Variants in TMPRSS5 observed in about 807,000 individuals in gnomAD.
The protein encoded by TMPRSS5 is transmembrane serine protease 5.
In TMPRSS5, 45 loss-of-function variants were observed where a neutral mutation model predicts 59.7. The observed-to-expected ratio is 0.75, with a 90% CI of 0.59 to 0.97. The LOEUF (loss-of-function observed/expected upper bound fraction) is 0.97. Ranked by LOEUF, TMPRSS5 falls within the 50% of genes least tolerant of loss-of-function variation. The pLI, the probability that TMPRSS5 is intolerant of heterozygous loss-of-function variation, is 0.00. For missense variants in TMPRSS5, 585 were observed against 596.7 expected (o/e 0.98, Z 0.20); for synonymous variants, 225 against 232.0 (o/e 0.97, Z 0.27).
intron 3 of TMPRSS5, 91 bp from the exon 4 acceptor site, chr11:113,699,118 C>A: frequency 6.9e-7 from 1 of 1,440,952 alleles, no homozygotes; most frequent in Non-Finnish European, 9.4e-7. Context: ...TCTCAGGCAG[C>A]TCCCCAACCA....
intron 12 of TMPRSS5, among the ~76,000 whole-genome samples, chr11:113,688,557 G>T (rs749210012): frequency 2.6e-5 from 4 of 152,056 alleles, no homozygotes; most frequent in Non-Finnish European, 4.4e-5. Flanking sequence ...AAATACTTTA[G>T]GTAAATAATG....
intron 12 of TMPRSS5, among the ~76,000 whole-genome samples, chr11:113,689,216 C>T (rs1304582480): frequency 1.3e-5 from 2 of 152,024 alleles, no homozygotes; most frequent in African/African-American, 4.8e-5. Context: ...ATTAGCCAGG[C>T]GTGGTGGTGC....
intron 12 of TMPRSS5, 128 bp downstream of exon 12, chr11:113,689,637 C>T (rs1001500973): frequency 1.2e-5 from 11 of 956,242 alleles, no homozygotes; most frequent in Middle Eastern, 2.3e-4. Context: ...CCTCCACTCA[C>T]TCTGGGGAAT....
In TMPRSS5 at chr11:113,697,171, C is replaced by T. The variant is rs1026599131; in HGVS notation, c.464+112G>A. On this transcript the variant is annotated intron_variant, in intron 5 of 12. Transcript: ENST00000299882. ...GGCCAGAAGATGGCCAAAAAGACCT[C>T]TTGACATTTCCTGAGCACATTGACC... 5.0e-5 allele frequency: 74 copies of T among 1,472,494 alleles called. No homozygotes were observed. In the African/African-American group the frequency reaches 1.0e-3, roughly 20 times the overall value. The allele number at this position is 1,472,494 out of a possible 1,614,324, so 91.2% of individuals were successfully genotyped here.
At chr11:113,703,281 A>G (rs1026693201) in intron 1 of TMPRSS5, among the ~76,000 whole-genome samples, 1 of 152,220 alleles carries the variant, frequency 6.6e-6, no homozygotes, top group Non-Finnish European at 1.5e-5. Context: ...CGACTGCCCT[A>G]TTGGATTTCA....
In TMPRSS5 at chr11:113,693,181, G is replaced by C. The variant is rs1319981518; in HGVS notation, c.854C>G (p.Pro285Arg). Residue 285 changes from proline to arginine, a missense_variant, in exon 9 of 13, where the codon CCC becomes CGC. Transcript: ENST00000299882. ...CCTCTCCACCAGAGCCCCTTGGTGGGGCCTGACGGCACTGTGGCTGACCAG... is the reference window on the plus strand; with the variant it reads ...CCTCTCCACCAGAGCCCCTTGGTGGCGCCTGACGGCACTGTGGCTGACCAG... ...AGLVSHSAVR[P>R]HQGALVERII... 2 of 1,601,918 alleles carry C rather than the reference G, an allele frequency of 1.2e-6. No homozygotes were observed. Among genetic ancestry groups the C allele is most frequent in the Non-Finnish European group, 1.7e-6 (2 of 1,174,336 alleles).
chr11:113,704,739 C>A (rs915850473), intron 1 of TMPRSS5, among the ~76,000 whole-genome samples: 6 of 152,026 alleles, frequency 3.9e-5, no homozygotes, highest in Admixed American at 3.9e-4. Context: ...GCATACAGCA[C>A]CTGTTGGGCC....
chr11:113,696,669 G>A (rs1952935716), intron 6 of TMPRSS5, among the ~76,000 whole-genome samples, 189 bp downstream of exon 6: 2 of 152,206 alleles, frequency 1.3e-5, no homozygotes, highest in Non-Finnish European at 2.9e-5. Context: ...AATAGCAGAT[G>A]TGAAGTGGTG....
At chr11:113,702,006 A>G (rs904600131) in intron 1 of TMPRSS5, among the ~76,000 whole-genome samples, 8 of 151,540 alleles carry the variant, frequency 5.3e-5, no homozygotes, top group African/African-American at 1.9e-4. Context: ...CCCCATGTCC[A>G]TGTATTCTCA....
intron 12 of TMPRSS5, among the ~76,000 whole-genome samples, chr11:113,689,516 G>A (rs1432079976): frequency 1.3e-5 from 2 of 152,096 alleles, no homozygotes; most frequent in Admixed American, 6.5e-5. Context: ...ATTTGCCAAA[G>A]GTCGACACAG....
intron 12 of TMPRSS5, 70 bp downstream of exon 12, chr11:113,689,695 G>T (rs1952705439): frequency 4.5e-6 from 7 of 1,540,108 alleles, no homozygotes; most frequent in African/African-American, 2.7e-5. Flanking sequence ...GGCCTAAGGG[G>T]TAAGGTTCCT....
intron 9 of TMPRSS5, among the ~76,000 whole-genome samples, chr11:113,692,022 G>A (rs1207121936): frequency 6.6e-6 from 1 of 151,534 alleles, no homozygotes; most frequent in African/African-American, 2.4e-5. Flanking sequence ...CGAGTAGCTG[G>A]GACTACAGGC....
chr11:113,698,164 C>T lies in TMPRSS5; in HGVS notation c.328+741G>A, dbSNP rs575934711. ...TCTCCTGAAACCGAATTCCACAGCA[C>T]CTTGATCTTGGACTTCTAGCCACCA... On this transcript the variant is annotated intron_variant, in intron 4 of 12. Coordinates refer to ENST00000299882, the MANE Select transcript of TMPRSS5 (RefSeq NM_030770.4). 9.2e-5 allele frequency among the ~76,000 whole-genome samples: 14 copies of T among 152,248 alleles called. 1 individual carries two copies. In the South Asian group the frequency reaches 2.7e-3, roughly 29 times the overall value.
rs1183674364 is a variant in TMPRSS5, at chr11:113,693,069, A to C, written c.964+2T>G. 2.7e-6 allele frequency: 4 copies of C among 1,464,926 alleles called. No homozygotes were observed. The highest frequency in any genetic ancestry group is 3.7e-6 in the Non-Finnish European group (4 of 1,094,712). The allele number at this position is 1,464,926 out of a possible 1,614,324, so 90.7% of individuals were successfully genotyped here. ...CTGCCCACCCTCAAGCCAGTGCCGC[A>C]CCTGAGAAGTTGAGAGCGGTCTGGA... On this transcript the variant is annotated splice_donor_variant, in intron 9 of 12. Transcript: ENST00000299882. LOFTEE classifies it high-confidence loss of function.
chr11:113,705,275 C>T (rs377208265), intron 1 of TMPRSS5, among the ~76,000 whole-genome samples: 14 of 152,192 alleles, frequency 9.2e-5, no homozygotes, highest in Non-Finnish European at 1.2e-4. Context: ...TCTTCCTAAC[C>T]CTCCAGCAGG....
intron 3 of TMPRSS5, 69 bp downstream of exon 3, chr11:113,699,526 A>T: frequency 7.5e-7 from 1 of 1,332,286 alleles, no homozygotes; most frequent in Non-Finnish European, 1.0e-6. Context: ...ATTTACCTTT[A>T]ACACCTGCTC....
chr11:113,699,203 G>GTCTCTCTCTCTC (rs1953020252), intron 3 of TMPRSS5, among the ~76,000 whole-genome samples, 176 bp from the exon 4 acceptor site: 1 of 36,412 alleles, frequency 2.7e-5, no homozygotes, highest in Non-Finnish European at 5.1e-5. Flanking sequence ...ACTCTCCTTT[G>GTCTCTCTCTCTC]TCTGTCTGTC....
chr11:113,691,021 G>T, intron 9 of TMPRSS5, 82 bp from the exon 10 acceptor site: 1 of 1,318,352 alleles, frequency 7.6e-7, no homozygotes, highest in Non-Finnish European at 1.1e-6. Flanking sequence ...CCCAGGACTG[G>T]CAAGTCCTCC....
At chr11:113,699,846 G>A in intron 2 of TMPRSS5, 153 bp from the exon 3 acceptor site, 1 of 1,407,418 alleles carries the variant, frequency 7.1e-7, no homozygotes, top group Admixed American at 2.1e-5. Context: ...GGGAGTGGGG[G>A]CAGGGGAGGA....
Sources: allele counts gnomAD v4.1 joint callset (sites outside exome capture counted in the v4.1 genomes callset), GRCh38; gene constraint gnomAD v4.1.1; transcripts MANE v1.5; gene names NCBI Gene and HGNC (gene_info 2026-07-23, HGNC 2026-07-21).